The following ARHGAP1 variants were observed in gnomAD, a reference collection of about 807,000 sequenced individuals.
ARHGAP1 encodes the protein rho GTPase-activating protein 1.
In ARHGAP1, 23 loss-of-function variants were observed where a neutral mutation model predicts 52.2. The observed-to-expected ratio is 0.44, with a 90% CI of 0.32 to 0.62. ARHGAP1 has a LOEUF of 0.62. Among genes scored for constraint, ARHGAP1 ranks in the 20% least tolerant of loss-of-function variants. The pLI, the probability that ARHGAP1 is intolerant of heterozygous loss-of-function variation, is 0.05. For missense variants in ARHGAP1, 480 were observed against 560.9 expected (o/e 0.86, Z 1.46); for synonymous variants, 210 against 228.4 (o/e 0.92, Z 0.73).
intron 3 of ARHGAP1, among the ~76,000 whole-genome samples, chr11:46,690,884 ATTTT>A (rs796300308): frequency 6.9e-6 from 1 of 144,768 alleles, no homozygotes; most frequent in Non-Finnish European, 1.5e-5. Flanking sequence ...GCAAGCTGTG[ATTTT>A]TTTTTTTTTA....
intron 3 of ARHGAP1, among the ~76,000 whole-genome samples, chr11:46,694,006 G>A (rs1416484025): frequency 3.3e-5 from 5 of 152,142 alleles, no homozygotes; most frequent in African/African-American, 1.2e-4. Flanking sequence ...GAGAGCTGAG[G>A]CTATAACCCA....
intron 1 of ARHGAP1, among the ~76,000 whole-genome samples, chr11:46,700,217 C>T (rs1450574882): frequency 6.6e-6 from 1 of 152,188 alleles, no homozygotes; most frequent in Non-Finnish European, 1.5e-5. Context: ...AGGAACACTT[C>T]CCCCAAATTT....
In ARHGAP1 at chr11:46,680,243, G is replaced by T. The variant is rs1247616922; in HGVS notation, c.860C>A (p.Thr287Asn). ...CTGCTGCACTTCCCGGACCACTTGG[G>T]TGTTGGCCGACCTCCGGAAGATGCC... Reference protein sequence around the residue: ...TEGIFRRSANTQVVREVQQKY... With the variant: ...TEGIFRRSANNQVVREVQQKY... The change falls in exon 10 of 13, where the codon ACC (threonine) becomes AAC (asparagine). Residue 287 changes from threonine to asparagine, a missense_variant. By Grantham distance (65) the Thr-to-Asn change is moderately conservative. Transcript: ENST00000311956. The surrounding 1 kb of genome is among the most constrained non-coding windows in gnomAD (Gnocchi z 5.9). 6.2e-7 allele frequency: 1 copy of T among 1,614,122 alleles called. No homozygotes were observed. The highest frequency in any genetic ancestry group is 8.5e-7 in the Non-Finnish European group (1 of 1,180,030).
At position 46,679,510 on chromosome 11, in the gene ARHGAP1, G is replaced by T; in HGVS notation, c.1028-42C>A. The T allele has an allele frequency of 1.2e-6, 2 of 1,610,356 alleles. No individual in the cohort carries two copies. The highest frequency in any genetic ancestry group is 1.7e-6 in the Non-Finnish European group (2 of 1,177,122). On this transcript the variant is annotated intron_variant, in intron 11 of 12. Coordinates refer to ENST00000311956, the MANE Select transcript of ARHGAP1 (RefSeq NM_004308.5). This position sits in a 1 kb window ranked among gnomAD's most constrained non-coding sequence, Gnocchi z 4.4. ...CCCGGGTTATAGGGGCCCTAGGCTG[G>T]GCTGGTTCAGGACGCTCTGATGCAG... is the stretch of plus-strand genomic sequence containing the variant.
chr11:46,698,623 AG>A (rs2064675576), intron 1 of ARHGAP1, among the ~76,000 whole-genome samples: 1 of 132,792 alleles, frequency 7.5e-6, no homozygotes, highest in South Asian at 2.4e-4. Context: ...AAAAAAAAAA[AG>A]GAGCAGCTGG....
At chr11:46,682,665 C>T (rs1323556386) in intron 4 of ARHGAP1, among the ~76,000 whole-genome samples, 1 of 152,138 alleles carries the variant, frequency 6.6e-6, no homozygotes, top group Non-Finnish European at 1.5e-5. Context: ...GCCTGGGCAA[C>T]AAGAGTGAAA....
chr11:46,691,679 C>T (rs149456320), intron 3 of ARHGAP1, among the ~76,000 whole-genome samples: 122 of 151,462 alleles, frequency 8.1e-4, no homozygotes, highest in East Asian at 5.5e-3. Context: ...CTCAAACTCC[C>T]GACCTCAGGT....
chr11:46,685,279 C>T (rs543006368), intron 4 of ARHGAP1, among the ~76,000 whole-genome samples: 1 of 149,168 alleles, frequency 6.7e-6, no homozygotes, highest in African/African-American at 2.5e-5. Context: ...TTTCTAAACT[C>T]TCTAAATTGT....
At chr11:46,688,623 A>G (rs920474252) in intron 3 of ARHGAP1, among the ~76,000 whole-genome samples, 3 of 152,068 alleles carry the variant, frequency 2.0e-5, no homozygotes, top group African/African-American at 7.2e-5. Flanking sequence ...CCAGGACTAT[A>G]GGTGAGCACC....
rs1256978318 is a variant in ARHGAP1, at chr11:46,688,199, G to T, written c.291C>A (p.His97Gln). The change falls in exon 4 of 13, where the codon CAC (histidine) becomes CAA (glutamine). Residue 97 changes from histidine to glutamine, a missense_variant. Transcript: ENST00000311956. Reference sequence around the variant, plus strand: ...CCAGGAGCTTGCTGTGGTCGAGCTGGTGGCTGGGGGGCATTCGACAGGCAC... The same window carrying T: ...CCAGGAGCTTGCTGTGGTCGAGCTGTTGGCTGGGGGGCATTCGACAGGCAC... ...VFSACRMPPS[H>Q]QLDHSKLLGY... 6.2e-7 allele frequency: 1 copy of T among 1,614,044 alleles called. No individual in the cohort carries two copies. Among genetic ancestry groups the T allele is most frequent in the Non-Finnish European group, 8.5e-7 (1 of 1,179,974 alleles).
Position 46,695,661 on chromosome 11 carries a change from T to A in ARHGAP1, c.228A>T (p.Ala76=), listed in dbSNP as rs750928737. The A allele has an allele frequency of 9.7e-6, 15 of 1,551,594 alleles. No individual in the cohort carries two copies. Among genetic ancestry groups the A allele is most frequent in the Non-Finnish European group, 1.3e-5 (15 of 1,146,964 alleles). The change falls in exon 3 of 13, where the codon GCA becomes GCT. Residue 76 remains alanine, a splice_region_variant and synonymous_variant. Coordinates refer to ENST00000311956, the MANE Select transcript of ARHGAP1 (RefSeq NM_004308.5). ...DIARHQIVEV[A]GDDKYGRKII... Reference sequence around the variant, plus strand: ...GAAAATAGTGTTGGGTGTGCTTACCTGCCACCTCCACGATCTGGTGCCGGG... The same window carrying A: ...GAAAATAGTGTTGGGTGTGCTTACCAGCCACCTCCACGATCTGGTGCCGGG...
At position 46,681,495 on chromosome 11, in the gene ARHGAP1, G is replaced by T; in HGVS notation, c.450-116C>A. ...GAGTCTCCTTCACCCAGGCTGGAGTGTGATCTCAGCTCATTGCAGCCTCCA... is the reference window on the plus strand; with the variant it reads ...GAGTCTCCTTCACCCAGGCTGGAGTTTGATCTCAGCTCATTGCAGCCTCCA... On this transcript the variant is annotated intron_variant, in intron 5 of 12. Transcript: ENST00000311956. The surrounding 1 kb of genome is among the most constrained non-coding windows in gnomAD (Gnocchi z 5.7). 1 of 768,194 alleles carries T rather than the reference G, an allele frequency of 1.3e-6. No individual in the cohort carries two copies. Among genetic ancestry groups the T allele is most frequent in the East Asian group, 2.5e-5 (1 of 39,578 alleles). 47.6% of individuals were successfully genotyped at this position (768,194 alleles called of 1,614,324 possible).
chr11:46,685,297 T>C (rs963737293), intron 4 of ARHGAP1, among the ~76,000 whole-genome samples: 9 of 151,604 alleles, frequency 5.9e-5, no homozygotes, highest in African/African-American at 1.7e-4. Flanking sequence ...TGTAATACTT[T>C]AAAAATGTAC....
At position 46,678,916 on chromosome 11, in the gene ARHGAP1, A is replaced by C; in HGVS notation, c.*121T>G. 1 of 1,136,968 alleles carries C rather than the reference A, an allele frequency of 8.8e-7. No homozygotes were observed. The highest frequency in any genetic ancestry group is 1.2e-6 in the Non-Finnish European group (1 of 809,294). 70.4% of individuals were successfully genotyped at this position (1,136,968 alleles called of 1,614,324 possible). ...GAGGCGGGCTGGACAGAGGTGGGGGAGAGCATGCCTGATGGGTGGCTCCAA... is the reference window on the plus strand; with the variant it reads ...GAGGCGGGCTGGACAGAGGTGGGGGCGAGCATGCCTGATGGGTGGCTCCAA... On this transcript the variant is annotated 3_prime_UTR_variant, in exon 13 of 13. Coordinates refer to ENST00000311956, the MANE Select transcript of ARHGAP1 (RefSeq NM_004308.5).
At chr11:46,685,622 G>C (rs925505496) in intron 4 of ARHGAP1, among the ~76,000 whole-genome samples, 1 of 150,018 alleles carries the variant, frequency 6.7e-6, no homozygotes, top group Non-Finnish European at 1.5e-5. Context: ...ACCGCGCCAG[G>C]TCATATGTTC....
rs1168398919 is a variant in ARHGAP1 at position 46,679,372 on chromosome 11, A to C, written c.1124T>G (p.Leu375Arg). 1 of 1,614,112 alleles carries C rather than the reference A, an allele frequency of 6.2e-7. No individual in the cohort carries two copies. Among genetic ancestry groups the C allele is most frequent in the South Asian group, 1.1e-5 (1 of 91,076 alleles). Residue 375 changes from leucine (L) to arginine (R), a missense_variant, in exon 12 of 13, where the codon CTG becomes CGG. Physicochemically the swap from Leu to Arg is moderately radical, Grantham distance 102. Coordinates refer to ENST00000311956, the MANE Select transcript of ARHGAP1 (RefSeq NM_004308.5). This position sits in a 1 kb window ranked among gnomAD's most constrained non-coding sequence, Gnocchi z 4.4. The stretch of plus-strand genomic sequence containing the variant: ...CCAAGTCCAAGGTCTCACCTGCACC[A>C]GGAAAGCAGTCAGGAAACGAAGCAC... ...YQVLRFLTAFLVQISAHSDQN... is the reference protein window; with the variant it reads ...YQVLRFLTAFRVQISAHSDQN...
At chr11:46,694,630 G>A (rs1268602622) in intron 3 of ARHGAP1, among the ~76,000 whole-genome samples, 1 of 152,182 alleles carries the variant, frequency 6.6e-6, no homozygotes, top group East Asian at 1.9e-4. Flanking sequence ...CCAGACTCCA[G>A]TCAAGTTCAG....
chr11:46,695,893 C>T lies in ARHGAP1; in HGVS notation c.133+82G>A, dbSNP rs549397190. 37 of 1,607,920 alleles carry T rather than the reference C, an allele frequency of 2.3e-5. No homozygotes were observed. The Admixed American group carries it at 6.2e-4, about 27-fold the overall frequency. ...CTGGGACTGGTCTGCCCCATCCTGC[C>T]CTCCTGGCGTCTCCCTTCAGCAGAA... On this transcript the variant is annotated intron_variant, in intron 2 of 12. Coordinates refer to ENST00000311956, the MANE Select transcript of ARHGAP1 (RefSeq NM_004308.5).
rs35160532 is a variant in ARHGAP1 at position 46,679,484 on chromosome 11, GC to G, written c.1028-17del. On this transcript the variant is annotated splice_polypyrimidine_tract_variant and intron_variant, in intron 11 of 12. Coordinates refer to ENST00000311956, the MANE Select transcript of ARHGAP1 (RefSeq NM_004308.5). This position sits in a 1 kb window ranked among gnomAD's most constrained non-coding sequence, Gnocchi z 4.4. ...TCATCAATGTCTATGAGGAAAGGAG[GC>G]CCGGGTTATAGGGGCCCTAGGCTGG... is the stretch of plus-strand genomic sequence containing the variant. 93,610 of 1,613,334 alleles carry G rather than the reference GC, an allele frequency of 0.058. 3,093 individuals carry two copies. Among genetic ancestry groups the G allele is most frequent in the Non-Finnish European group, 0.069 (80,817 of 1,179,372 alleles).
Sources: allele counts gnomAD v4.1 joint callset (sites outside exome capture counted in the v4.1 genomes callset), GRCh38; gene constraint gnomAD v4.1.1; non-coding constraint Gnocchi (gnomAD v3.1); transcripts MANE v1.5; gene names NCBI Gene and HGNC (gene_info 2026-07-23, HGNC 2026-07-21).